Variants in HPD observed in about 807,000 individuals in gnomAD.
The protein encoded by HPD is 4-hydroxyphenylpyruvic acid oxidase.
A neutral mutation model predicts 56.9 loss-of-function variants in HPD; 35 were observed. That is an observed-to-expected ratio of 0.62 (90% confidence interval 0.47 to 0.82). HPD has a LOEUF of 0.82. Ranked by LOEUF, HPD falls within the 40% of genes least tolerant of loss-of-function variation. The pLI is 0.00. For synonymous variants in HPD, 186 were observed against 200.2 expected, an observed-to-expected ratio of 0.93 and a Z score of 0.60; for missense variants, 442 against 506.8, an observed-to-expected ratio of 0.87 and a Z score of 1.23.
At chr12:121,870,651 C>T in the HPD span, among the ~76,000 whole-genome samples, 1 of 136,976 alleles carries the variant, frequency 7.3e-6, no homozygotes, top group Non-Finnish European at 1.5e-5. Context: ...GGTTGGAGTG[C>T]AATGGCGGGA....
upstream of HPD, among the ~76,000 whole-genome samples, chr12:121,867,456 C>A (rs369317604): frequency 3.3e-5 from 5 of 151,778 alleles, no homozygotes; most frequent in East Asian, 5.8e-4. Flanking sequence ...CAAGGTCTCA[C>A]TCATTCTGTT....
chr12:121,850,990 A>T (rs1008279020), intron 7 of HPD, among the ~76,000 whole-genome samples: 3 of 151,736 alleles, frequency 2.0e-5, no homozygotes, highest in African/African-American at 7.3e-5. Context: ...CAGCCTCCTG[A>T]GTAGCTGGGA....
At chr12:121,868,841 G>A in the HPD span, among the ~76,000 whole-genome samples, 399 of 152,040 alleles carry the variant, frequency 2.6e-3, 2 homozygotes, top group African/African-American at 9.0e-3. Flanking sequence ...TTTCTTAATC[G>A]AATTATAGTC....
chr12:121,839,724 G>C lies in HPD; in HGVS notation c.*4C>G, dbSNP rs764529433. 1.2e-6 allele frequency: 2 copies of C among 1,603,096 alleles called. No homozygotes were observed. The highest frequency in any genetic ancestry group is 1.7e-6 in the Non-Finnish European group (2 of 1,169,950). Reference sequence around the variant, plus strand: ...GGCTGTGGCCTCCGTGGGGTGGGCGGGGCTTACATGCCGGGCACCACCCCA... The same window carrying C: ...GGCTGTGGCCTCCGTGGGGTGGGCGCGGCTTACATGCCGGGCACCACCCCA... On this transcript the variant is annotated 3_prime_UTR_variant, in exon 14 of 14. Transcript: ENST00000289004.
intron 6 of HPD, among the ~76,000 whole-genome samples, chr12:121,855,456 G>T (rs991049975): frequency 3.9e-5 from 6 of 152,200 alleles, no homozygotes; most frequent in African/African-American, 9.6e-5. Flanking sequence ...AATGGCTCAT[G>T]CCTGTAATCC....
upstream of HPD, among the ~76,000 whole-genome samples, chr12:121,864,523 AG>A (rs1438026296): frequency 2.0e-5 from 3 of 147,458 alleles, no homozygotes; most frequent in Non-Finnish European, 4.4e-5. Flanking sequence ...ATTGTACTCC[AG>A]CCTGGGCAAC....
the HPD span, chr12:121,888,607 T>G: frequency 9.7e-6 from 5 of 517,372 alleles, no homozygotes; most frequent in Non-Finnish European, 1.7e-5. Flanking sequence ...GGTGTGCAAT[T>G]GCGTGGGGAT....
chr12:121,883,573 C>T, the HPD span, among the ~76,000 whole-genome samples: 9 of 151,958 alleles, frequency 5.9e-5, no homozygotes, highest in Non-Finnish European at 8.8e-5. Flanking sequence ...CTTTTCAGAC[C>T]GCATGGGTAA....
rs1391457977 is a variant in HPD at position 121,849,714 on chromosome 12, G to A, written c.491C>T (p.Ala164Val). Residue 164 changes from alanine (A) to valine (V), a missense_variant, in exon 8 of 14, where the codon GCG (alanine) becomes GTG (valine). Transcript: ENST00000289004. ...TTTAGGAAGTAGGGGGTCCATGAACGCTGGGGCCTCATATCCAGGCAAGAA... is the reference window on the plus strand; with the variant it reads ...TTTAGGAAGTAGGGGGTCCATGAACACTGGGGCCTCATATCCAGGCAAGAA... ...GQFLPGYEAP[A>V]FMDPLLPKLP... The A allele has an allele frequency of 2.5e-6, 4 of 1,613,274 alleles. No homozygotes were observed. The highest frequency in any genetic ancestry group is 3.4e-6 in the Non-Finnish European group (4 of 1,179,316).
chr12:121,865,577 C>T (rs1878305343), upstream of HPD, among the ~76,000 whole-genome samples: 1 of 147,238 alleles, frequency 6.8e-6, no homozygotes, highest in Non-Finnish European at 1.5e-5. Flanking sequence ...CCACGACACT[C>T]TCTTTCAAAA....
At chr12:121,844,265 G>C (rs530688329) in intron 11 of HPD, among the ~76,000 whole-genome samples, 1 of 151,824 alleles carries the variant, frequency 6.6e-6, no homozygotes, top group Admixed American at 6.6e-5. Flanking sequence ...GGTTGGTCTC[G>C]AACTCCTGAC....
Position 121,839,748 on chromosome 12 carries a change from C to T in HPD, c.1162G>A (p.Gly388Arg). Residue 388 changes from glycine to arginine, a missense_variant, in exon 14 of 14, where the codon GGG becomes AGG. Gly to Arg is a moderately radical substitution (Grantham distance 125). Transcript: ENST00000289004. ...RGNLTNMETN[G>R]VVPGM ...GGGGCTTACATGCCGGGCACCACCC[C>T]ATTGGTCTCCATGTTGGTGAGGTTA... The T allele has an allele frequency of 6.2e-7, 1 of 1,613,500 alleles. No homozygotes were observed.
the HPD span, among the ~76,000 whole-genome samples, chr12:121,880,774 G>T: frequency 3.3e-5 from 5 of 152,156 alleles, no homozygotes; most frequent in Non-Finnish European, 7.4e-5. Context: ...TTACAGACAT[G>T]AGCCACCATG....
chr12:121,856,333 G>A lies in HPD; in HGVS notation c.315C>T (p.Tyr105=), dbSNP rs1436836839. 6.2e-7 allele frequency: 1 copy of A among 1,613,712 alleles called. No individual in the cohort carries two copies. The highest frequency in any genetic ancestry group is 1.7e-5 in the Admixed American group (1 of 60,008). ...CCAGGTGCTTTCTTACCTGCACGAT[G>A]TAGTCACAATCTTCCACCTCGAACG... ...DIAFEVEDCD[Y]IVQKARERGA... is the part of the protein sequence containing the mutation. Residue 105 remains tyrosine (Y), a synonymous_variant, in exon 6 of 14, where the codon TAC becomes TAT. Transcript: ENST00000289004.
At chr12:121,844,584 T>C (rs1374534198) in intron 11 of HPD, among the ~76,000 whole-genome samples, 1 of 144,958 alleles carries the variant, frequency 6.9e-6, no homozygotes, top group African/African-American at 2.6e-5. Flanking sequence ...CCTGTCTCTA[T>C]TAAAAATACA....
upstream of HPD, among the ~76,000 whole-genome samples, chr12:121,864,244 C>A (rs1565881528): frequency 6.7e-6 from 1 of 149,748 alleles, no homozygotes. Flanking sequence ...CTCTGTCACA[C>A]AAAAAAAAGA....
At chr12:121,857,916 C>A (rs895379928) in intron 2 of HPD, 97 bp from the exon 3 acceptor site, 8 of 904,252 alleles carry the variant, frequency 8.8e-6, no homozygotes, top group Middle Eastern at 2.2e-4. Context: ...CTTATTCCAG[C>A]CTCAACCACA....
the HPD span, among the ~76,000 whole-genome samples, chr12:121,880,716 T>A: frequency 6.6e-6 from 1 of 152,164 alleles, no homozygotes; most frequent in African/African-American, 2.4e-5. Flanking sequence ...AGTCTCAAAC[T>A]TCTGGCCTCA....
At chr12:121,855,090 A>G (rs756855882) in intron 6 of HPD, among the ~76,000 whole-genome samples, 1 of 152,138 alleles carries the variant, frequency 6.6e-6, no homozygotes, top group Non-Finnish European at 1.5e-5. Flanking sequence ...CTAGTCCTCA[A>G]TTTCACCATC....
Sources: allele counts gnomAD v4.1 joint callset (sites outside exome capture counted in the v4.1 genomes callset), GRCh38; gene constraint gnomAD v4.1.1; transcripts MANE v1.5; gene names NCBI Gene and HGNC (gene_info 2026-07-23, HGNC 2026-07-21).